DOCK3: variants seen among roughly 807,000 people sequenced by gnomAD.
DOCK3 encodes dedicator of cytokinesis 3.
In DOCK3, 60 loss-of-function variants were observed where a neutral mutation model predicts 265.6. The ratio of observed to expected loss-of-function variants is 0.23; its 90% CI spans 0.18 to 0.28. The LOEUF is 0.28. Ranked by LOEUF, DOCK3 falls within the 10% of genes least tolerant of loss-of-function variation. The pLI, the probability that DOCK3 is intolerant of heterozygous loss-of-function variation, is 1.00. For missense variants in DOCK3, 1,981 were observed against 2,594.3 expected, an observed-to-expected ratio of 0.76 and a Z score of 5.14; for synonymous variants, 881 against 938.0, an observed-to-expected ratio of 0.94 and a Z score of 1.11.
rs1460985784 is a variant in DOCK3 at position 50,675,168 on chromosome 3, C to G, written c.-96C>G. The stretch of plus-strand genomic sequence containing the variant: ...CTGCCCCGCGCCGCCTGACCGTCCC[C>G]GCCTCGACTCGCGGTGCGCCACAGC... On this transcript the variant is annotated 5_prime_UTR_variant, in exon 1 of 53. Coordinates refer to ENST00000266037, the MANE Select transcript of DOCK3 (RefSeq NM_004947.5). The surrounding 1 kb of genome is among the most constrained non-coding windows in gnomAD (Gnocchi z 6.1). 3.1e-5 allele frequency: 28 copies of G among 915,310 alleles called. No individual in the cohort carries two copies. The highest frequency in any genetic ancestry group is 3.7e-5 in the Non-Finnish European group (28 of 750,310). 56.7% of individuals were successfully genotyped at this position (915,310 alleles called of 1,614,324 possible).
At chr3:50,926,412 AT>A (rs1230626226) in intron 4 of DOCK3, among the ~76,000 whole-genome samples, 2 of 152,146 alleles carry the variant, frequency 1.3e-5, no homozygotes, top group African/African-American at 4.8e-5. Flanking sequence ...CATTTATTTA[AT>A]TCATTCTATG....
At chr3:51,087,172 CAA>C (rs1467288755) in intron 7 of DOCK3, among the ~76,000 whole-genome samples, 2 of 151,430 alleles carry the variant, frequency 1.3e-5, no homozygotes, top group Non-Finnish European at 1.5e-5. Context: ...GACAAGGACA[CAA>C]GAAAAAAAAG....
chr3:51,167,384 C>T (rs1466851465), intron 12 of DOCK3, among the ~76,000 whole-genome samples: 2 of 152,038 alleles, frequency 1.3e-5, no homozygotes, highest in Admixed American at 1.3e-4. Flanking sequence ...AGTGTGATGC[C>T]CCTAGCTTTG....
At chr3:50,821,237 C>T (rs1377271360) in intron 2 of DOCK3, among the ~76,000 whole-genome samples, 1 of 150,494 alleles carries the variant, frequency 6.6e-6, no homozygotes, top group African/African-American at 2.4e-5. Flanking sequence ...GGAGACTTAG[C>T]CACAGGTTGT....
intron 2 of DOCK3, chr3:50,788,317 G>A: frequency 3.2e-6 from 1 of 314,078 alleles, no homozygotes. Flanking sequence ...AAGCAGTTCA[G>A]ACTGTAAAGA....
chr3:51,157,615 C>G (rs1371054177), intron 10 of DOCK3, among the ~76,000 whole-genome samples: 1 of 152,134 alleles, frequency 6.6e-6, no homozygotes, highest in Non-Finnish European at 1.5e-5. Flanking sequence ...GAGGCTGGGA[C>G]TAGGCTAAGG....
intron 1 of DOCK3, among the ~76,000 whole-genome samples, chr3:50,729,421 G>C (rs994035794): frequency 6.9e-6 from 1 of 145,834 alleles, no homozygotes; most frequent in Admixed American, 6.9e-5. Context: ...TAAGTTTTAG[G>C]GTACATGTGC....
intron 27 of DOCK3, among the ~76,000 whole-genome samples, chr3:51,293,153 G>T (rs1172620941): frequency 6.6e-6 from 1 of 151,854 alleles, no homozygotes; most frequent in African/African-American, 2.4e-5. Flanking sequence ...AATAAAAAAA[G>T]ACCCCAAATA....
At chr3:50,787,616 G>T in intron 2 of DOCK3, 2 of 1,245,070 alleles carry the variant, frequency 1.6e-6, no homozygotes, top group South Asian at 1.2e-5. Flanking sequence ...TTTGTTTCCC[G>T]CTTCTTACGC....
intron 5 of DOCK3, among the ~76,000 whole-genome samples, chr3:50,960,010 A>G (rs1402832757): frequency 6.6e-6 from 1 of 152,190 alleles, no homozygotes; most frequent in East Asian, 1.9e-4. Context: ...TACTTAGCAT[A>G]ATGTTTTTGA....
intron 5 of DOCK3, among the ~76,000 whole-genome samples, chr3:50,960,529 A>AT (rs1393601714): frequency 2.6e-5 from 4 of 151,528 alleles, no homozygotes; most frequent in African/African-American, 7.3e-5. Context: ...TCTTTCACCC[A>AT]TTTTTTTTCC....
chr3:51,307,088 G>A (rs2082727393), intron 27 of DOCK3, among the ~76,000 whole-genome samples: 1 of 152,034 alleles, frequency 6.6e-6, no homozygotes, highest in Non-Finnish European at 1.5e-5. Context: ...GATGATGCTT[G>A]TTTCTTTTTT....
chr3:50,817,623 C>T (rs1051394964), intron 2 of DOCK3, among the ~76,000 whole-genome samples: 3 of 152,096 alleles, frequency 2.0e-5, no homozygotes, highest in Admixed American at 1.3e-4. Flanking sequence ...AGAGCATTTT[C>T]TCACTATCTA....
intron 29 of DOCK3, 112 bp from the exon 30 acceptor site, chr3:51,312,364 G>A (rs2083120593): frequency 4.9e-6 from 5 of 1,025,060 alleles, no homozygotes; most frequent in Non-Finnish European, 7.2e-6. Flanking sequence ...GAAAAAAAAT[G>A]AGGATCTTAA....
intron 27 of DOCK3, among the ~76,000 whole-genome samples, chr3:51,291,411 T>C (rs1002704289): frequency 6.6e-6 from 1 of 152,108 alleles, no homozygotes; most frequent in Non-Finnish European, 1.5e-5. Flanking sequence ...AGAAATGAAA[T>C]AGAAGACGTT....
chr3:51,146,791 A>T (rs182537431), intron 10 of DOCK3, among the ~76,000 whole-genome samples, 161 bp downstream of exon 10: 3 of 152,224 alleles, frequency 2.0e-5, no homozygotes, highest in Non-Finnish European at 4.4e-5. Flanking sequence ...TGAAATATTT[A>T]TAGAAAACTG....
chr3:50,998,165 C>G (rs2078349052), intron 5 of DOCK3, among the ~76,000 whole-genome samples: 1 of 151,986 alleles, frequency 6.6e-6, no homozygotes, highest in African/African-American at 2.4e-5. Flanking sequence ...CAAAAATTGC[C>G]CTGTGTCACA....
intron 1 of DOCK3, among the ~76,000 whole-genome samples, chr3:50,752,240 G>A (rs1042272539): frequency 2.0e-5 from 3 of 152,296 alleles, no homozygotes; most frequent in East Asian, 1.9e-4. Flanking sequence ...GCCAGGTGCA[G>A]TGGCTCACCC....
At chr3:51,100,353 A>G (rs527360876) in intron 9 of DOCK3, among the ~76,000 whole-genome samples, 2 of 152,214 alleles carry the variant, frequency 1.3e-5, no homozygotes, top group South Asian at 2.1e-4. Flanking sequence ...CTAGCATAGT[A>G]TAGAGTGTCT....
Sources: allele counts gnomAD v4.1 joint callset (sites outside exome capture counted in the v4.1 genomes callset), GRCh38; gene constraint gnomAD v4.1.1; non-coding constraint Gnocchi (gnomAD v3.1); transcripts MANE v1.5; gene names NCBI Gene and HGNC (gene_info 2026-07-23, HGNC 2026-07-21).